The following EYS variants were observed in gnomAD, a reference collection of about 807,000 sequenced individuals.
EYS encodes the protein EGF-like photoreceptor maintenance factor.
A neutral mutation model predicts 282.1 loss-of-function variants in EYS; 250 were observed. That is an observed-to-expected ratio of 0.89 (90% CI 0.80 to 0.98). EYS has a LOEUF of 0.98. EYS is among the 50% of genes least tolerant of loss of function. EYS has a pLI of 0.00. For missense variants in EYS, 4,016 were observed against 3,709.0 expected (o/e 1.08, Z -2.15); for synonymous variants, 1,355 against 1,282.9 (o/e 1.06, Z -1.20).
chr6:65,373,660 A>G (rs998830), intron 8 of EYS, among the ~76,000 whole-genome samples: 62,724 of 151,890 alleles, frequency 0.41, 13,947 homozygotes, highest in South Asian at 0.5. Flanking sequence ...CATTTTCAAT[A>G]TGATTAATAA....
chr6:65,169,971 G>T (rs1253619432), intron 12 of EYS, among the ~76,000 whole-genome samples: 1 of 151,502 alleles, frequency 6.6e-6, no homozygotes, highest in Non-Finnish European at 1.5e-5. Flanking sequence ...TAAAACAGAA[G>T]AGAATAAGCA....
chr6:65,534,202 C>G lies in EYS; in HGVS notation c.-332-38209G>C, dbSNP rs115984034. ...CACCTTATAGGAACTATTAATCATT[C>G]TGGCTTTGTGAGAGAGGCATGATGC... On this transcript the variant is annotated intron_variant, in intron 2 of 42. Coordinates refer to ENST00000503581, the MANE Select transcript of EYS (RefSeq NM_001142800.2). Among the ~76,000 whole-genome samples, 741 of 152,210 alleles carry G rather than the reference C, an allele frequency of 4.9e-3. 2 individuals are homozygous for G. Among genetic ancestry groups the G allele is most frequent in the African/African-American group, 0.016 (672 of 41,540 alleles).
At chr6:64,518,789 T>C (rs568678177) in intron 26 of EYS, among the ~76,000 whole-genome samples, 15 of 107,512 alleles carry the variant, frequency 1.4e-4, no homozygotes, top group South Asian at 6.0e-4. Flanking sequence ...GGCCCCCCCC[T>C]TCTCAGGGAA....
chr6:64,136,666 G>A (rs1238771941), intron 31 of EYS, among the ~76,000 whole-genome samples: 1 of 152,126 alleles, frequency 6.6e-6, no homozygotes, highest in African/African-American at 2.4e-5. Context: ...TTTGTCATGA[G>A]CAGTAATATT....
chr6:64,717,754 T>C (rs1338375561), intron 22 of EYS, among the ~76,000 whole-genome samples: 1 of 152,230 alleles, frequency 6.6e-6, no homozygotes, highest in Non-Finnish European at 1.5e-5. Flanking sequence ...TTCCATCATG[T>C]AATGTAGAGG....
intron 5 of EYS, among the ~76,000 whole-genome samples, chr6:65,457,209 C>A (rs1254262024): frequency 6.6e-6 from 1 of 152,096 alleles, no homozygotes; most frequent in African/African-American, 2.4e-5. Context: ...TCTGTCACAT[C>A]GGCTGGAGTG....
At chr6:65,144,937 T>C (rs1764440191) in intron 12 of EYS, among the ~76,000 whole-genome samples, 1 of 151,734 alleles carries the variant, frequency 6.6e-6, no homozygotes, top group South Asian at 2.1e-4. Context: ...ATTTGGCTTG[T>C]TTTTTGTATT....
At chr6:64,978,755 C>A (rs950283163) in intron 14 of EYS, among the ~76,000 whole-genome samples, 1 of 151,816 alleles carries the variant, frequency 6.6e-6, no homozygotes, top group Non-Finnish European at 1.5e-5. Flanking sequence ...GAAGTTTATT[C>A]CAATGTTCAC....
At chr6:64,320,881 T>C (rs1486128327) in intron 29 of EYS, among the ~76,000 whole-genome samples, 3 of 151,802 alleles carry the variant, frequency 2.0e-5, no homozygotes, top group African/African-American at 7.2e-5. Context: ...ATATGCTTTT[T>C]AAAAAATAAA....
At chr6:64,760,995 TA>T (rs767467653) in intron 22 of EYS, among the ~76,000 whole-genome samples, 1 of 152,154 alleles carries the variant, frequency 6.6e-6, no homozygotes, top group East Asian at 1.9e-4. Flanking sequence ...TAACTTTTAC[TA>T]AAAAAATTGC....
intron 35 of EYS, among the ~76,000 whole-genome samples, chr6:63,900,070 A>G (rs1212571164): frequency 6.6e-6 from 1 of 152,206 alleles, no homozygotes; most frequent in Non-Finnish European, 1.5e-5. Flanking sequence ...ACGTAGAGCT[A>G]CGGTTTGCTT....
At chr6:65,006,416 GA>G (rs768271495) in intron 13 of EYS, among the ~76,000 whole-genome samples, 2 of 140,706 alleles carry the variant, frequency 1.4e-5, no homozygotes, top group Non-Finnish European at 3.0e-5. Flanking sequence ...AGTCGGTAGG[GA>G]CAACTGCTTC....
chr6:63,886,670 G>A (rs1012653658), intron 35 of EYS, among the ~76,000 whole-genome samples: 2 of 151,956 alleles, frequency 1.3e-5, no homozygotes, highest in Non-Finnish European at 2.9e-5. Flanking sequence ...ATAACACTTC[G>A]ATCTATATAC....
chr6:64,296,575 TA>T, intron 30 of EYS, among the ~76,000 whole-genome samples: 713 of 10,798 alleles, frequency 0.066, 62 homozygotes, highest in African/African-American at 0.14. Flanking sequence ...TATATATATA[TA>T]TATATATACA....
chr6:64,416,582 CTTAA>C (rs1774065299), intron 28 of EYS, among the ~76,000 whole-genome samples: 2 of 149,296 alleles, frequency 1.3e-5, no homozygotes, highest in Non-Finnish European at 3.0e-5. Context: ...TTTATTCACA[CTTAA>C]TTCATTCATT....
intron 31 of EYS, among the ~76,000 whole-genome samples, chr6:64,197,434 C>G (rs1021459826): frequency 2.0e-5 from 3 of 152,128 alleles, no homozygotes; most frequent in Non-Finnish European, 4.4e-5. Flanking sequence ...TTGAGAAGCT[C>G]AAGTTCACTA....
chr6:63,761,865 C>A (rs1769651517), intron 41 of EYS, among the ~76,000 whole-genome samples: 1 of 152,018 alleles, frequency 6.6e-6, no homozygotes, highest in African/African-American at 2.4e-5. Context: ...CTGGAAGTCC[C>A]AGCCAGGTAT....
chr6:64,241,314 G>C (rs1766820555), intron 30 of EYS, among the ~76,000 whole-genome samples: 1 of 152,134 alleles, frequency 6.6e-6, no homozygotes, highest in Non-Finnish European at 1.5e-5. Context: ...GTTTCAGAAG[G>C]AATGGTACCA....
intron 21 of EYS, among the ~76,000 whole-genome samples, chr6:64,819,953 C>G (rs1213829612): frequency 6.6e-6 from 1 of 151,992 alleles, no homozygotes; most frequent in African/African-American, 2.4e-5. Context: ...GAAAGGTGTT[C>G]AATCTTGATA....
Sources: allele counts gnomAD v4.1 joint callset (sites outside exome capture counted in the v4.1 genomes callset), GRCh38; gene constraint gnomAD v4.1.1; transcripts MANE v1.5; gene names NCBI Gene and HGNC (gene_info 2026-07-23, HGNC 2026-07-21).